The following CCDC149 variants were observed in gnomAD, a reference collection of about 807,000 sequenced individuals.
CCDC149 encodes coiled-coil domain-containing protein 149.
A neutral mutation model predicts 59.9 loss-of-function variants in CCDC149; 45 were observed. The observed-to-expected ratio is 0.75, with a 90% CI of 0.59 to 0.96. The LOEUF is 0.96. Among genes scored for constraint, CCDC149 ranks in the 40% least tolerant of loss-of-function variants. The pLI, the probability that CCDC149 is intolerant of heterozygous loss-of-function variation, is 0.00. For missense variants in CCDC149, 584 were observed against 664.7 expected (o/e 0.88, Z 1.33); for synonymous variants, 245 against 260.6 (o/e 0.94, Z 0.58).
chr4:24,822,631 C>T, intron 9 of CCDC149, 58 bp from the exon 10 acceptor site: 2 of 1,248,014 alleles, frequency 1.6e-6, no homozygotes, highest in Non-Finnish European at 2.2e-6. Flanking sequence ...GCCCCCAGCC[C>T]TGGGAATCCC....
intron 2 of CCDC149, among the ~76,000 whole-genome samples, chr4:24,874,001 T>C (rs1719222450): frequency 6.6e-6 from 1 of 152,350 alleles, no homozygotes; most frequent in South Asian, 2.1e-4. Context: ...GTCAAAATTC[T>C]TTTTGATCAC....
chr4:24,878,749 T>C (rs1293695556), intron 1 of CCDC149, among the ~76,000 whole-genome samples: 1 of 152,194 alleles, frequency 6.6e-6, no homozygotes, highest in Non-Finnish European at 1.5e-5. Context: ...CATGAAGACA[T>C]TGGAAGCTGC....
intron 1 of CCDC149, among the ~76,000 whole-genome samples, chr4:24,907,794 A>G (rs529236234): frequency 1.7e-4 from 26 of 152,296 alleles, no homozygotes; most frequent in African/African-American, 5.8e-4. Flanking sequence ...TGGAGGTTTG[A>G]AGTCCAAAAT....
At chr4:24,949,320 C>T (rs1465383266) in intron 1 of CCDC149, among the ~76,000 whole-genome samples, 1 of 151,998 alleles carries the variant, frequency 6.6e-6, no homozygotes, top group Non-Finnish European at 1.5e-5. Context: ...CTGGGGCTTC[C>T]GTGCACACAG....
Position 24,909,685 on chromosome 4 carries a change from C to A in CCDC149, c.63+3132G>T, listed in dbSNP as rs150179667. Among the ~76,000 whole-genome samples, 1,105 of 152,256 alleles carry A rather than the reference C, an allele frequency of 7.3e-3. 18 individuals carry two copies. The highest frequency in any genetic ancestry group is 0.025 in the African/African-American group (1,051 of 41,538). On this transcript the variant is annotated intron_variant, in intron 1 of 12. Coordinates refer to ENST00000635206, the MANE Select transcript of CCDC149 (RefSeq NM_001330643.2). Reference sequence around the variant, plus strand: ...GGTGGGAGATAATTGAATCATGGGGCTAGTTTCCTCCATAATGTTCTCGTG... The same window carrying A: ...GGTGGGAGATAATTGAATCATGGGGATAGTTTCCTCCATAATGTTCTCGTG...
intron 12 of CCDC149, among the ~76,000 whole-genome samples, chr4:24,810,681 A>G (rs970307834): frequency 1.3e-5 from 2 of 152,332 alleles, no homozygotes; most frequent in Non-Finnish European, 2.9e-5. Context: ...TAAATGTTGA[A>G]TGAAAATGGG....
chr4:24,868,956 AT>A (rs1263413478), intron 3 of CCDC149, among the ~76,000 whole-genome samples: 1 of 152,222 alleles, frequency 6.6e-6, no homozygotes, highest in Non-Finnish European at 1.5e-5. Context: ...CAAGAATAGT[AT>A]CTACCGCACA....
At chr4:24,895,007 G>C in intron 1 of CCDC149, 4 of 1,536,278 alleles carry the variant, frequency 2.6e-6, no homozygotes, top group Non-Finnish European at 3.5e-6. Context: ...AATCCCAAGT[G>C]GCCGCTCTGG....
intron 1 of CCDC149, among the ~76,000 whole-genome samples, chr4:24,878,160 C>T (rs1228454360): frequency 7.8e-6 from 1 of 128,378 alleles, no homozygotes; most frequent in Non-Finnish European, 1.6e-5. Context: ...AGTTCAATTT[C>T]AAATAAATGA....
At chr4:24,819,404 C>T (rs993406546) in intron 12 of CCDC149, among the ~76,000 whole-genome samples, 4 of 152,278 alleles carry the variant, frequency 2.6e-5, no homozygotes, top group Middle Eastern at 6.8e-3. Flanking sequence ...TCACTGCAAC[C>T]TCTGCCTCCC....
intron 12 of CCDC149, among the ~76,000 whole-genome samples, chr4:24,815,737 G>A (rs1670942617): frequency 1.3e-5 from 2 of 152,170 alleles, no homozygotes; most frequent in Non-Finnish European, 2.9e-5. Context: ...TTTGCCTTGT[G>A]CCATTTCGTT....
intron 3 of CCDC149, among the ~76,000 whole-genome samples, chr4:24,870,849 TC>T (rs1718995416): frequency 6.6e-6 from 1 of 151,910 alleles, no homozygotes; most frequent in South Asian, 2.1e-4. Context: ...AATTTCCCCA[TC>T]CTGGCTAACA....
chr4:24,819,710 A>T, intron 12 of CCDC149, 149 bp downstream of exon 12: 1 of 698,570 alleles, frequency 1.4e-6, no homozygotes, highest in Non-Finnish European at 2.6e-6. Context: ...AGATGAACCC[A>T]CATAAGCAAC....
chr4:24,814,183 T>C (rs1388880508), intron 12 of CCDC149, among the ~76,000 whole-genome samples: 1 of 152,258 alleles, frequency 6.6e-6, no homozygotes, highest in Non-Finnish European at 1.5e-5. Context: ...AAGAATTCAC[T>C]GGCCTCAGTA....
intron 4 of CCDC149, among the ~76,000 whole-genome samples, chr4:24,839,020 T>TCA (rs1469450019): frequency 4.5e-5 from 5 of 111,212 alleles, no homozygotes; most frequent in South Asian, 3.3e-4. Flanking sequence ...TCTCTCTCTC[T>TCA]CTCTCTCTCA....
At chr4:24,870,583 T>G (rs992010233) in intron 3 of CCDC149, among the ~76,000 whole-genome samples, 19 of 152,228 alleles carry the variant, frequency 1.2e-4, no homozygotes, top group Non-Finnish European at 5.9e-5. Context: ...TTTAGGACGT[T>G]GAACTTATAT....
chr4:24,923,271 C>A (rs1205614422), intron 1 of CCDC149, among the ~76,000 whole-genome samples: 1 of 152,176 alleles, frequency 6.6e-6, no homozygotes, highest in African/African-American at 2.4e-5. Context: ...AGCTATCTTA[C>A]AAGTTCATTA....
intron 1 of CCDC149, among the ~76,000 whole-genome samples, chr4:24,877,739 C>G (rs1719552730): frequency 6.6e-6 from 1 of 152,144 alleles, no homozygotes; most frequent in Non-Finnish European, 1.5e-5. Flanking sequence ...GTTGAGTACA[C>G]CTGGTTGGAA....
intron 4 of CCDC149, among the ~76,000 whole-genome samples, chr4:24,839,913 A>C (rs1577399204): frequency 6.6e-6 from 1 of 152,154 alleles, no homozygotes; most frequent in Non-Finnish European, 1.5e-5. Flanking sequence ...TGTCACACAG[A>C]TCCGACCCAG....
Sources: allele counts gnomAD v4.1 joint callset (sites outside exome capture counted in the v4.1 genomes callset), GRCh38; gene constraint gnomAD v4.1.1; transcripts MANE v1.5; gene names NCBI Gene and HGNC (gene_info 2026-07-23, HGNC 2026-07-21).